SIPA1L1: variants seen among roughly 807,000 people sequenced by gnomAD.
The protein encoded by SIPA1L1 is signal induced proliferation associated 1 like 1.
A neutral mutation model predicts 162.7 loss-of-function variants in SIPA1L1; 26 were observed. The ratio of observed to expected loss-of-function variants is 0.16; its 90% CI spans 0.12 to 0.22. SIPA1L1 has a LOEUF of 0.22. Among genes scored for constraint, SIPA1L1 ranks in the 10% least tolerant of loss-of-function variants. The pLI is 1.00. For synonymous variants in SIPA1L1, 829 were observed against 837.4 expected (o/e 0.99, Z 0.17); for missense variants, 1,874 against 2,241.0 (o/e 0.84, Z 3.31).
At chr14:71,385,186 T>C (rs762712526) in intron 2 of SIPA1L1, among the ~76,000 whole-genome samples, 1 of 152,176 alleles carries the variant, frequency 6.6e-6, no homozygotes, top group Non-Finnish European at 1.5e-5. Context: ...CTGATTAAAA[T>C]TGGTCGTGCT....
At chr14:71,387,140 C>T (rs1359821320) in intron 2 of SIPA1L1, among the ~76,000 whole-genome samples, 3 of 148,212 alleles carry the variant, frequency 2.0e-5, no homozygotes, top group East Asian at 2.0e-4. Context: ...CCCAGCTACT[C>T]GGGAGGCTGA....
In SIPA1L1 at chr14:71,678,572, T is replaced by C. The variant is rs889745101; in HGVS notation, c.3104+5950T>C. ...ATTTTATTGAGGATTTTTGCACTGA[T>C]GTTCATCAGGGATATTGGTCTAAAA... On this transcript the variant is annotated intron_variant, in intron 12 of 23. Transcript: ENST00000381232. Among the ~76,000 whole-genome samples, 14 of 152,236 alleles carry C rather than the reference T, an allele frequency of 9.2e-5. 1 individual carries two copies. Among genetic ancestry groups the C allele is most frequent in the Admixed American group, 9.2e-4 (14 of 15,286 alleles).
At chr14:71,583,060 T>C (rs2034151326) in intron 4 of SIPA1L1, among the ~76,000 whole-genome samples, 1 of 152,252 alleles carries the variant, frequency 6.6e-6, no homozygotes, top group Non-Finnish European at 1.5e-5. Flanking sequence ...TGTGAAGTTA[T>C]ATTTCTGTTT....
chr14:71,439,558 G>T (rs1002886105), intron 2 of SIPA1L1, among the ~76,000 whole-genome samples: 13 of 152,298 alleles, frequency 8.5e-5, no homozygotes, highest in Non-Finnish European at 1.6e-4. Context: ...CTACTCATGA[G>T]TATGGAATGG....
chr14:71,609,846 C>T (rs2037995756), intron 5 of SIPA1L1, among the ~76,000 whole-genome samples: 1 of 152,070 alleles, frequency 6.6e-6, no homozygotes, highest in Non-Finnish European at 1.5e-5. Flanking sequence ...CCTACCTTGA[C>T]CTTGATTAGT....
intron 2 of SIPA1L1, among the ~76,000 whole-genome samples, chr14:71,365,402 T>C (rs1030253041): frequency 4.6e-5 from 7 of 152,120 alleles, no homozygotes; most frequent in Admixed American, 1.3e-4. Flanking sequence ...GAGTCTCCTC[T>C]GCACGGCCTT....
intron 12 of SIPA1L1, among the ~76,000 whole-genome samples, chr14:71,675,388 C>A (rs147355476): frequency 0.014 from 2,089 of 152,226 alleles, 57 homozygotes; most frequent in African/African-American, 0.048. Context: ...CAGTTTCCAT[C>A]TGAAAAGCCA....
intron 4 of SIPA1L1, chr14:71,574,928 A>G (rs1217066861): frequency 6.6e-6 from 1 of 151,658 alleles, no homozygotes; most frequent in Non-Finnish European, 1.5e-5. Context: ...ATATTTGCAT[A>G]TGTGCATAGT....
chr14:71,510,039 C>A (rs562993350), intron 2 of SIPA1L1, among the ~76,000 whole-genome samples: 1 of 152,230 alleles, frequency 6.6e-6, no homozygotes, highest in African/African-American at 2.4e-5. Context: ...GAGCCTAATG[C>A]AGAAGCTCAG....
chr14:71,714,113 A>G (rs1299290879), intron 17 of SIPA1L1, among the ~76,000 whole-genome samples: 2 of 152,206 alleles, frequency 1.3e-5, no homozygotes, highest in African/African-American at 4.8e-5. Flanking sequence ...ACCGCATACA[A>G]TAAACATTCA....
At chr14:71,599,102 T>G (rs1262616976) in intron 5 of SIPA1L1, among the ~76,000 whole-genome samples, 1 of 151,816 alleles carries the variant, frequency 6.6e-6, no homozygotes, top group African/African-American at 2.4e-5. Context: ...CATAATGATC[T>G]GCAGTTCCAT....
intron 2 of SIPA1L1, among the ~76,000 whole-genome samples, chr14:71,364,199 T>C (rs2038069321): frequency 6.6e-6 from 1 of 152,240 alleles, no homozygotes; most frequent in African/African-American, 2.4e-5. Flanking sequence ...GCAAACACTG[T>C]ACTCTTAACG....
At chr14:71,723,034 C>T (rs571950868) in intron 17 of SIPA1L1, among the ~76,000 whole-genome samples, 1 of 152,374 alleles carries the variant, frequency 6.6e-6, no homozygotes, top group Admixed American at 6.5e-5. Flanking sequence ...CCCCGCCCAG[C>T]CCTAGTTTTG....
At chr14:71,383,037 T>C (rs548762979) in intron 2 of SIPA1L1, among the ~76,000 whole-genome samples, 2 of 152,276 alleles carry the variant, frequency 1.3e-5, no homozygotes, top group South Asian at 4.1e-4. Context: ...GACTTGAACC[T>C]ATGAAGAGTT....
intron 5 of SIPA1L1, among the ~76,000 whole-genome samples, chr14:71,589,834 A>G (rs1392593641): frequency 6.6e-6 from 1 of 151,846 alleles, no homozygotes; most frequent in African/African-American, 2.4e-5. Flanking sequence ...GGTAATTATA[A>G]TATATTCCTG....
At chr14:71,606,286 A>C (rs2037488378) in intron 5 of SIPA1L1, among the ~76,000 whole-genome samples, 1 of 152,102 alleles carries the variant, frequency 6.6e-6, no homozygotes, top group Non-Finnish European at 1.5e-5. Context: ...CTGTCTGGGC[A>C]TGTGAAAATG....
At chr14:71,437,386 G>C (rs2044471210) in intron 2 of SIPA1L1, among the ~76,000 whole-genome samples, 1 of 151,986 alleles carries the variant, frequency 6.6e-6, no homozygotes, top group African/African-American at 2.4e-5. Context: ...ATTTTTCTTT[G>C]AGGCAGAGTC....
At chr14:71,698,952 G>T in intron 13 of SIPA1L1, 29 bp from the exon 14 acceptor site, 1 of 1,613,466 alleles carries the variant, frequency 6.2e-7, no homozygotes, top group South Asian at 1.1e-5. Context: ...TTGAATTGTT[G>T]ACTTCATGTT....
chr14:71,721,996 G>A (rs750372540), intron 17 of SIPA1L1, among the ~76,000 whole-genome samples: 1 of 152,230 alleles, frequency 6.6e-6, no homozygotes, highest in Admixed American at 6.5e-5. Context: ...CTCTGTCCGT[G>A]GGTGCCAGCA....
Sources: gnomAD v4.1 joint callset for allele counts (sites outside exome capture counted in the v4.1 genomes callset) on GRCh38, gnomAD v4.1.1 for gene constraint, MANE v1.5 for transcripts, NCBI Gene and HGNC (gene_info 2026-07-23, HGNC 2026-07-21) for gene names.